FARP1: variants seen among roughly 807,000 people sequenced by gnomAD.
FARP1 encodes FERM, ARHGEF and pleckstrin domain-containing protein 1.
FARP1 carries 52 observed loss-of-function variants against 128.8 expected under a neutral mutation model. That is an observed-to-expected ratio of 0.40 (90% CI 0.32 to 0.51). The LOEUF is 0.51. FARP1 is among the 20% of genes least tolerant of loss of function. The pLI is 0.45. For synonymous variants in FARP1, 580 were observed against 551.8 expected (o/e 1.05, Z -0.72); for missense variants, 1,333 against 1,367.9 (o/e 0.97, Z 0.40).
chr13:98,212,721 TGAGTGTATGTCTGC>T (rs1417821709), intron 1 of FARP1, among the ~76,000 whole-genome samples: 1 of 152,202 alleles, frequency 6.6e-6, no homozygotes, highest in Non-Finnish European at 1.5e-5. Context: ...TGCCTCTGTA[TGAGTGTATGTCTGC>T]GAGTGTATGT....
chr13:98,357,546 A>G, intron 3 of FARP1, among the ~76,000 whole-genome samples: 1 of 152,224 alleles, frequency 6.6e-6, no homozygotes, highest in East Asian at 1.9e-4. Flanking sequence ...TCCAGAGAGC[A>G]TAACATTTTA....
intron 1 of FARP1, among the ~76,000 whole-genome samples, chr13:98,173,064 T>C (rs1378899121): frequency 6.6e-6 from 1 of 152,218 alleles, no homozygotes; most frequent in Admixed American, 6.5e-5. Context: ...TCTATCAATC[T>C]CGTGTTTTTT....
Position 98,446,671 on chromosome 13 carries a change from T to G in FARP1, c.2910T>G (p.Asn970Lys). 1 of 1,614,020 alleles carries G rather than the reference T, an allele frequency of 6.2e-7. No individual in the cohort carries two copies. The highest frequency in any genetic ancestry group is 8.5e-7 in the Non-Finnish European group (1 of 1,180,004). The change falls in exon 26 of 27, where the codon AAT (asparagine) becomes AAG (lysine). Residue 970 changes from asparagine to lysine, a missense_variant. Physicochemically the swap from Asn to Lys is moderately conservative, Grantham distance 94. This residue lies in a region of FARP1 where 1,009 missense variants were observed against 969.8 expected (regional missense o/e 1.04). Transcript: ENST00000319562. ...GCTTTGTTTCCCCTTTCCAGGACAA[T>G]CATCCCCTTGCCAGCCTGCCTCTGC... ...CLFFYKSHQD[N>K]HPLASLPLLG...
intron 1 of FARP1, among the ~76,000 whole-genome samples, chr13:98,174,848 G>GT (rs988345370): frequency 2.6e-5 from 4 of 152,180 alleles, no homozygotes; most frequent in African/African-American, 9.7e-5. Context: ...GCACAGAGAG[G>GT]TAAAGTAACA....
intron 3 of FARP1, among the ~76,000 whole-genome samples, chr13:98,345,281 T>A (rs1888132273): frequency 6.6e-6 from 1 of 152,210 alleles, no homozygotes; most frequent in African/African-American, 2.4e-5. Context: ...GAGCTGTTTG[T>A]CTAAACCAGA....
intron 1 of FARP1, among the ~76,000 whole-genome samples, chr13:98,194,530 C>G (rs558268998): frequency 8.5e-5 from 13 of 152,326 alleles, no homozygotes; most frequent in African/African-American, 3.1e-4. Flanking sequence ...AAGTCATTGC[C>G]AAGGTCTGAT....
chr13:98,408,471 C>T (rs1215974906), intron 13 of FARP1, among the ~76,000 whole-genome samples: 3 of 127,194 alleles, frequency 2.4e-5, no homozygotes, highest in African/African-American at 5.5e-5. Context: ...GGATTGCAGG[C>T]ACCCGCCACC....
At chr13:98,251,665 A>G (rs574832271) in intron 2 of FARP1, among the ~76,000 whole-genome samples, 36 of 150,988 alleles carry the variant, frequency 2.4e-4, no homozygotes, top group African/African-American at 8.1e-4. Context: ...CCTGAGTGAC[A>G]GAGTGAGACT....
At chr13:98,309,774 G>A (rs1415470276) in intron 2 of FARP1, among the ~76,000 whole-genome samples, 1 of 152,212 alleles carries the variant, frequency 6.6e-6, no homozygotes, top group Non-Finnish European at 1.5e-5. Context: ...GCCTGTGTAG[G>A]CAACAGCCCC....
chr13:98,321,659 C>T (rs186408213), intron 2 of FARP1, among the ~76,000 whole-genome samples: 22 of 152,286 alleles, frequency 1.4e-4, no homozygotes, highest in African/African-American at 4.1e-4. Flanking sequence ...GCGTGCTAAA[C>T]GGGTGCTTCT....
intron 2 of FARP1, among the ~76,000 whole-genome samples, chr13:98,255,546 TAC>T (rs1883545826): frequency 6.6e-6 from 1 of 152,114 alleles, no homozygotes; most frequent in Admixed American, 6.5e-5. Flanking sequence ...TGTTGTGAAA[TAC>T]AGTGTTTTGC....
chr13:98,439,904 G>A, intron 21 of FARP1, 57 bp from the exon 22 acceptor site: 1 of 1,261,648 alleles, frequency 7.9e-7, no homozygotes, highest in Non-Finnish European at 1.1e-6. Context: ...GCCAGCTCAG[G>A]GATGTTTGGA....
chr13:98,217,018 C>A (rs1180246300), intron 2 of FARP1, among the ~76,000 whole-genome samples: 1 of 152,102 alleles, frequency 6.6e-6, no homozygotes, highest in Non-Finnish European at 1.5e-5. Context: ...AATAAGGTGC[C>A]CCTATGCCCG....
At chr13:98,190,185 T>C (rs1388888664) in intron 1 of FARP1, among the ~76,000 whole-genome samples, 1 of 152,214 alleles carries the variant, frequency 6.6e-6, no homozygotes, top group Admixed American at 6.5e-5. Context: ...TCTTTGTCAT[T>C]TCCTTTAAAA....
intron 2 of FARP1, among the ~76,000 whole-genome samples, chr13:98,230,336 C>G (rs1252867673): frequency 6.6e-6 from 1 of 152,196 alleles, no homozygotes; most frequent in East Asian, 1.9e-4. Flanking sequence ...GTATTCACCC[C>G]AGTGCAATCT....
chr13:98,418,644 A>G (rs1257708784), intron 16 of FARP1, among the ~76,000 whole-genome samples: 1 of 152,196 alleles, frequency 6.6e-6, no homozygotes, highest in South Asian at 2.1e-4. Flanking sequence ...GTGACTATAT[A>G]GCTCACAGTG....
At chr13:98,213,454 G>GGACA (rs1474524432) in intron 2 of FARP1, 41 bp downstream of exon 2, 1 of 1,596,966 alleles carries the variant, frequency 6.3e-7, no homozygotes, top group East Asian at 2.2e-5. Flanking sequence ...GTGTGGTAGG[G>GGACA]GACAGCCTTT....
At chr13:98,424,508 T>C (rs1161596788) in intron 16 of FARP1, 64 bp from the exon 17 acceptor site, 1 of 1,036,958 alleles carries the variant, frequency 9.6e-7, no homozygotes. Context: ...CTGATATTTG[T>C]AACCCAGGGC....
At chr13:98,440,645 T>C in intron 23 of FARP1, 25 bp from the exon 24 acceptor site, 1 of 1,594,358 alleles carries the variant, frequency 6.3e-7, no homozygotes, top group African/African-American at 1.3e-5. Flanking sequence ...AGATCAGAAG[T>C]GCTGCCTTTT....
Sources: allele counts gnomAD v4.1 joint callset (sites outside exome capture counted in the v4.1 genomes callset), GRCh38; gene constraint gnomAD v4.1.1; regional missense constraint gnomAD v4.1.1; transcripts MANE v1.5; gene names NCBI Gene and HGNC (gene_info 2026-07-23, HGNC 2026-07-21).